Variants in ATM observed in about 807,000 individuals in gnomAD.
ATM encodes the protein ATM serine/threonine kinase, also known as serine-protein kinase ATM.
In ATM, 308 loss-of-function variants were observed where a neutral mutation model predicts 387.0. The observed-to-expected ratio is 0.80, with a 90% CI of 0.73 to 0.87. ATM has a LOEUF of 0.87. ATM is among the 40% of genes least tolerant of loss of function. ATM has a pLI of 0.00. For missense variants in ATM, 3,312 were observed against 3,560.9 expected, an observed-to-expected ratio of 0.93 and a Z score of 1.78; for synonymous variants, 1,156 against 1,187.3, an observed-to-expected ratio of 0.97 and a Z score of 0.54.
rs1188694691 is a variant in ATM at position 108,293,358 on chromosome 11, G to A, written c.4657G>A (p.Glu1553Lys). The change falls in exon 31 of 63, where the codon GAA becomes AAA. Residue 1553 changes from glutamate to lysine, a missense_variant. Around this residue, in one of 4 missense-constraint regions of ATM, gnomAD observed 1,791 missense variants for 1,804.5 expected, o/e 0.99. Transcript: ENST00000675843. ...CTTAGTGATAGATAACAAGGATAAT[G>A]AAAACCTCTATATCACGATTAAGCT... ...KYLVIDNKDN[E>K]NLYITIKLLD... 1.3e-6 allele frequency: 2 copies of A among 1,591,174 alleles called. No homozygotes were observed. Among genetic ancestry groups the A allele is most frequent in the Non-Finnish European group, 1.7e-6 (2 of 1,161,304 alleles).
At chr11:108,251,392 G>T (rs1351945774) in intron 10 of ATM, among the ~76,000 whole-genome samples, 2 of 152,168 alleles carry the variant, frequency 1.3e-5, no homozygotes, top group Admixed American at 6.5e-5. Context: ...CTCATGTAGG[G>T]TGATGGGATA....
intron 22 of ATM, among the ~76,000 whole-genome samples, chr11:108,275,636 G>C (rs1345569616): frequency 6.6e-6 from 1 of 152,208 alleles, no homozygotes; most frequent in Non-Finnish European, 1.5e-5. Context: ...AGTTTGGCTG[G>C]ATATGAAATT....
intron 31 of ATM, 87 bp downstream of exon 31, chr11:108,293,564 T>C (rs904901875): frequency 3.3e-6 from 4 of 1,202,728 alleles, no homozygotes; most frequent in African/African-American, 3.1e-5. Context: ...CAGTAAAAAA[T>C]GGAATCTTTT....
chr11:108,272,765 A>G lies in ATM; in HGVS notation c.3197A>G (p.Lys1066Arg), dbSNP rs926564671. 1.2e-6 allele frequency: 2 copies of G among 1,614,058 alleles called. No homozygotes were observed. Among genetic ancestry groups the G allele is most frequent in the East Asian group, 2.2e-5 (1 of 44,868 alleles). Residue 1066 changes from lysine to arginine, a missense_variant, in exon 22 of 63, where the codon AAA (lysine) becomes AGA (arginine). Transcript: ENST00000675843. ...TGGGCCATTCTTAATGTAATGGGAA[A>G]AGACTTTCCTGTAAATGAAGTATTT... ...SKWAILNVMG[K>R]DFPVNEVFTQ...
chr11:108,225,984 CT>C (rs1236063338), intron 1 of ATM: 2 of 151,978 alleles, frequency 1.3e-5, no homozygotes, highest in Non-Finnish European at 2.9e-5. Context: ...CTTTCCCTAC[CT>C]TTTTACTTCT....
rs79452420 is a variant in ATM at position 108,363,731 on chromosome 11, G to C, written c.8851-1351G>C. On this transcript the variant is annotated intron_variant, in intron 61 of 62. Coordinates refer to ENST00000675843, the MANE Select transcript of ATM (RefSeq NM_000051.4). ...TCCTTTACTGTTTCCAACCACTTCT[G>C]TCTTGTCAGACTGAAACATAATTTT... Among the ~76,000 whole-genome samples, 472 of 152,244 alleles carry C rather than the reference G, an allele frequency of 3.1e-3. 1 individual carries two copies. The highest frequency in any genetic ancestry group is 0.011 in the African/African-American group (455 of 41,538).
chr11:108,315,048 T>G (rs2084501289), intron 40 of ATM, among the ~76,000 whole-genome samples: 2 of 152,212 alleles, frequency 1.3e-5, no homozygotes, highest in South Asian at 4.1e-4. Flanking sequence ...GCCACTGTGG[T>G]GTTAATCAAG....
chr11:108,263,760 A>G (rs1472033317), intron 16 of ATM, among the ~76,000 whole-genome samples: 2 of 148,640 alleles, frequency 1.3e-5, no homozygotes, highest in African/African-American at 2.5e-5. Flanking sequence ...AAAAAGAGAG[A>G]AGAATCAAAT....
intron 29 of ATM, 181 bp downstream of exon 29, chr11:108,289,982 C>T (rs753330123): frequency 5.3e-6 from 3 of 568,348 alleles, no homozygotes; most frequent in Admixed American, 3.1e-5. Context: ...CTCACCCTGC[C>T]GGGTAGCTGG....
chr11:108,347,168 C>G lies in ATM; in HGVS notation c.8585-111C>G. On this transcript the variant is annotated intron_variant, in intron 58 of 62. Coordinates refer to ENST00000675843, the MANE Select transcript of ATM (RefSeq NM_000051.4). ...ACATCATTTAAGTAGGCTAAAAATC[C>G]TAAACTACTTAAAGATTATACCAAG... 3.4e-6 allele frequency: 3 copies of G among 881,790 alleles called. No homozygotes were observed. The South Asian group carries it at 4.1e-5, about 12-fold the overall frequency. 54.6% of individuals were successfully genotyped at this position (881,790 alleles called of 1,614,324 possible).
In ATM at chr11:108,289,791, A is replaced by G. The variant is rs1565457035; in HGVS notation, c.4426A>G (p.Ile1476Val). Residue 1476 changes from isoleucine (I) to valine (V), a missense_variant, in exon 29 of 63, where the codon ATC (isoleucine) becomes GTC (valine). Physicochemically the swap from Ile to Val is conservative, Grantham distance 29. Around this residue, in one of 4 missense-constraint regions of ATM, gnomAD observed 1,791 missense variants for 1,804.5 expected, o/e 0.99. Coordinates refer to ENST00000675843, the MANE Select transcript of ATM (RefSeq NM_000051.4). Reference protein sequence around the residue: ...RDVIYTLIHYINQRPSCIMDV... With the variant: ...RDVIYTLIHYVNQRPSCIMDV... ...CGTTATTTATACTTTGATTCACTAT[A>G]TCAACCAAAGGTAAATAACATATTT... is the stretch of plus-strand genomic sequence containing the variant. 2 of 1,612,664 alleles carry G rather than the reference A, an allele frequency of 1.2e-6. No homozygotes were observed. The highest frequency in any genetic ancestry group is 1.7e-6 in the Non-Finnish European group (2 of 1,179,592).
At chr11:108,271,929 G>T (rs1401346998) in intron 20 of ATM, among the ~76,000 whole-genome samples, 3 of 152,180 alleles carry the variant, frequency 2.0e-5, no homozygotes, top group Non-Finnish European at 4.4e-5. Context: ...CTGGAGTGCA[G>T]TGGTGCTATA....
intron 59 of ATM, among the ~76,000 whole-genome samples, chr11:108,353,341 G>A (rs1012760703): frequency 2.6e-5 from 4 of 152,112 alleles, no homozygotes; most frequent in South Asian, 4.2e-4. Context: ...TGGAGACAAG[G>A]TTTCACCATG....
At chr11:108,317,615 TTATATATATATATATATATATATATA>T (rs376158749) in intron 43 of ATM, 94 bp downstream of exon 43, 6 of 215,374 alleles carry the variant, frequency 2.8e-5, no homozygotes, top group African/African-American at 4.6e-5. Flanking sequence ...AGGAGTTGTT[TTATATATATATATATATATATATATA>T]TATATATATA....
rs768791795 is a variant in ATM, at chr11:108,325,440, A to G, written c.6703A>G (p.Met2235Val). The G allele has an allele frequency of 1.9e-6, 3 of 1,613,602 alleles. No individual in the cohort carries two copies. The highest frequency in any genetic ancestry group is 2.5e-6 in the Non-Finnish European group (3 of 1,179,852). The change falls in exon 46 of 63, where the codon ATG becomes GTG. Residue 2235 changes from methionine to valine, a missense_variant. Physicochemically the swap from Met to Val is conservative, Grantham distance 21. Transcript: ENST00000675843. ...ACGCACAGTCATTTTGGAGATCCTG[A>G]TGGAAAAGGAAATGGACAACTCACA... is the stretch of plus-strand genomic sequence containing the variant. ...ALRTVILEIL[M>V]EKEMDNSQRE...
chr11:108,304,308 A>G (rs1230788089), intron 36 of ATM, among the ~76,000 whole-genome samples: 2 of 152,184 alleles, frequency 1.3e-5, no homozygotes, highest in African/African-American at 4.8e-5. Context: ...CTCTTCTATC[A>G]TATCAGAAAA....
chr11:108,351,949 A>G (rs1159437544), intron 59 of ATM, among the ~76,000 whole-genome samples: 3 of 152,160 alleles, frequency 2.0e-5, no homozygotes, highest in Non-Finnish European at 4.4e-5. Flanking sequence ...CTACTCAGCT[A>G]TAGCAAGCCC....
intron 7 of ATM, 147 bp from the exon 8 acceptor site, chr11:108,246,817 G>A: frequency 3.3e-6 from 2 of 606,000 alleles, no homozygotes; most frequent in Non-Finnish European, 5.9e-6. Context: ...CAAGGATCTT[G>A]TCAGAAGAGG....
Position 108,276,178 on chromosome 11 carries a change from G to A in ATM, c.3285-3313G>A, listed in dbSNP as rs962510573. Among the ~76,000 whole-genome samples the A allele has an allele frequency of 9.2e-5, 14 of 151,902 alleles. 1 individual carries two copies. Among genetic ancestry groups the A allele is most frequent in the Admixed American group, 3.9e-4 (6 of 15,240 alleles). The stretch of plus-strand genomic sequence containing the variant: ...CTGTTGATACTTGCGTATGCTTCAC[G>A]ATGTTCTCATCCTGCATTTTTCAGC... On this transcript the variant is annotated intron_variant, in intron 22 of 62. Coordinates refer to ENST00000675843, the MANE Select transcript of ATM (RefSeq NM_000051.4).
Sources: allele counts gnomAD v4.1 joint callset (sites outside exome capture counted in the v4.1 genomes callset), GRCh38; gene constraint gnomAD v4.1.1; regional missense constraint gnomAD v4.1.1; transcripts MANE v1.5; gene names NCBI Gene and HGNC (gene_info 2026-07-23, HGNC 2026-07-21).